Variants in HS3ST4 observed in about 807,000 individuals in gnomAD.
HS3ST4 encodes heparan sulfate-glucosamine 3-sulfotransferase 4.
In HS3ST4, 17 loss-of-function variants were observed where a neutral mutation model predicts 29.2. That is an observed-to-expected ratio of 0.58 (90% CI 0.40 to 0.87). The LOEUF is 0.87. HS3ST4 is among the 40% of genes least tolerant of loss of function. The pLI is 0.00. For synonymous variants in HS3ST4, 314 were observed against 285.7 expected, an observed-to-expected ratio of 1.10 and a Z score of -1.00; for missense variants, 627 against 634.5, an observed-to-expected ratio of 0.99 and a Z score of 0.13.
At chr16:25,816,622 G>C (rs1214532450) in intron 1 of HS3ST4, among the ~76,000 whole-genome samples, 1 of 152,338 alleles carries the variant, frequency 6.6e-6, no homozygotes, top group African/African-American at 2.4e-5. Flanking sequence ...GTTGATTTCA[G>C]AGGTGTCTTA....
chr16:25,964,512 C>G (rs1968824889), intron 1 of HS3ST4, among the ~76,000 whole-genome samples: 1 of 152,148 alleles, frequency 6.6e-6, no homozygotes, highest in African/African-American at 2.4e-5. Context: ...CAGGGCAACC[C>G]TATAAGGTAG....
At chr16:25,989,135 G>A (rs962236357) in intron 1 of HS3ST4, among the ~76,000 whole-genome samples, 1 of 152,186 alleles carries the variant, frequency 6.6e-6, no homozygotes, top group African/African-American at 2.4e-5. Context: ...TGGCTTATTT[G>A]AATCTGGCTT....
chr16:25,868,251 A>C (rs1967715429), intron 1 of HS3ST4, among the ~76,000 whole-genome samples: 1 of 152,158 alleles, frequency 6.6e-6, no homozygotes, highest in Non-Finnish European at 1.5e-5. Flanking sequence ...AAGGGAATGA[A>C]CAGACTTAGA....
At chr16:26,087,365 C>G (rs77275063) in intron 1 of HS3ST4, among the ~76,000 whole-genome samples, 2,440 of 152,278 alleles carry the variant, frequency 0.016, 57 homozygotes, top group African/African-American at 0.053. Flanking sequence ...TCACGAGAGG[C>G]CTTTTTCTTC....
At chr16:25,979,016 G>C (rs1386715058) in intron 1 of HS3ST4, among the ~76,000 whole-genome samples, 1 of 139,730 alleles carries the variant, frequency 7.2e-6, no homozygotes, top group Non-Finnish European at 1.5e-5. Flanking sequence ...TCCTGCTTCA[G>C]CTTCCCAAGT....
rs985120556 is a variant in HS3ST4, at chr16:26,137,211, G to C, written c.*963G>C. ...TGAGCATGTTTTTGGGGTGGACTCT[G>C]TCCCCTAGGGTCCCTAGAAGGGCAA... On this transcript the variant is annotated 3_prime_UTR_variant, in exon 2 of 2. Coordinates refer to ENST00000331351, the MANE Select transcript of HS3ST4 (RefSeq NM_006040.3). 6.6e-6 allele frequency: 1 copy of C among 152,048 alleles called. No individual in the cohort carries two copies. The highest frequency in any genetic ancestry group is 1.5e-5 in the Non-Finnish European group (1 of 68,016). The allele number at this position is 152,048 out of a possible 1,614,324, so 9.4% of individuals were successfully genotyped here. A position where few individuals can be genotyped will look rare whatever the true frequency, so the allele number is the denominator to read the frequency against.
chr16:25,928,112 C>G (rs1968426312), intron 1 of HS3ST4, among the ~76,000 whole-genome samples: 1 of 148,678 alleles, frequency 6.7e-6, no homozygotes, highest in Admixed American at 6.7e-5. Context: ...AGGAGGATTG[C>G]TTGCACCTGG....
intron 1 of HS3ST4, among the ~76,000 whole-genome samples, chr16:25,776,245 G>C (rs540963493): frequency 1.3e-5 from 2 of 152,174 alleles, no homozygotes; most frequent in East Asian, 3.9e-4. Flanking sequence ...ATATATGCTG[G>C]GCCCCAGAAT....
chr16:25,880,757 G>A (rs148906222), intron 1 of HS3ST4, among the ~76,000 whole-genome samples: 3 of 152,202 alleles, frequency 2.0e-5, no homozygotes, highest in African/African-American at 7.2e-5. Flanking sequence ...ATAATAGAGG[G>A]AAAATAGTAA....
intron 1 of HS3ST4, among the ~76,000 whole-genome samples, chr16:26,023,863 G>T (rs1221109805): frequency 1.3e-5 from 2 of 152,194 alleles, no homozygotes; most frequent in African/African-American, 2.4e-5. Flanking sequence ...GTGACCTCAA[G>T]AATTATTGAG....
chr16:25,695,482 C>A (rs528640147), intron 1 of HS3ST4, among the ~76,000 whole-genome samples: 1 of 152,194 alleles, frequency 6.6e-6, no homozygotes, highest in Non-Finnish European at 1.5e-5. Flanking sequence ...CCACAGACAG[C>A]GGTGCTTTGA....
At chr16:25,716,122 T>G (rs1966452575) in intron 1 of HS3ST4, among the ~76,000 whole-genome samples, 1 of 152,200 alleles carries the variant, frequency 6.6e-6, no homozygotes, top group African/African-American at 2.4e-5. Flanking sequence ...TATGTGTCGC[T>G]TACTGCAACA....
intron 1 of HS3ST4, among the ~76,000 whole-genome samples, chr16:26,129,681 G>C (rs1262895858): frequency 1.3e-5 from 2 of 152,164 alleles, no homozygotes; most frequent in African/African-American, 2.4e-5. Flanking sequence ...CTTAAGTTAA[G>C]TAATTTGCCA....
intron 1 of HS3ST4, among the ~76,000 whole-genome samples, chr16:25,994,701 A>G (rs1969143974): frequency 6.6e-6 from 1 of 152,224 alleles, no homozygotes; most frequent in African/African-American, 2.4e-5. Context: ...ATTTAATAAT[A>G]CTATATTATG....
intron 1 of HS3ST4, among the ~76,000 whole-genome samples, chr16:25,715,914 C>T (rs1966451077): frequency 6.6e-6 from 1 of 152,160 alleles, no homozygotes; most frequent in Non-Finnish European, 1.5e-5. Context: ...GAGCAATTCC[C>T]CCTATAGTCA....
intron 1 of HS3ST4, among the ~76,000 whole-genome samples, chr16:25,928,734 CCA>C (rs1472973425): frequency 2.6e-5 from 4 of 152,192 alleles, no homozygotes; most frequent in Non-Finnish European, 5.9e-5. Flanking sequence ...TGAACCCTCT[CCA>C]TGGGCTTTTC....
chr16:25,842,776 T>C (rs1967429073), intron 1 of HS3ST4, among the ~76,000 whole-genome samples: 1 of 152,192 alleles, frequency 6.6e-6, no homozygotes, highest in Non-Finnish European at 1.5e-5. Flanking sequence ...ATAATCAGTC[T>C]ATTCCTGGGT....
intron 1 of HS3ST4, among the ~76,000 whole-genome samples, chr16:26,102,148 G>C (rs544664236): frequency 6.6e-6 from 1 of 152,094 alleles, no homozygotes; most frequent in South Asian, 2.1e-4. Flanking sequence ...GTTCATTTGA[G>C]GGTCAATATA....
chr16:25,897,526 G>A (rs375174536), intron 1 of HS3ST4, among the ~76,000 whole-genome samples: 2 of 152,250 alleles, frequency 1.3e-5, no homozygotes, highest in South Asian at 2.1e-4. Flanking sequence ...ATGTGGTTCC[G>A]GTCCCAGAGG....
Sources: gnomAD v4.1 joint callset for allele counts (sites outside exome capture counted in the v4.1 genomes callset) on GRCh38, gnomAD v4.1.1 for gene constraint, MANE v1.5 for transcripts, NCBI Gene and HGNC (gene_info 2026-07-23, HGNC 2026-07-21) for gene names.